Variants in TAFA2 observed in about 807,000 individuals in gnomAD.
TAFA2 encodes the protein TAFA chemokine like family member 2.
TAFA2 carries 7 observed loss-of-function variants against 18.8 expected under a neutral mutation model. The ratio of observed to expected loss-of-function variants is 0.37; its 90% confidence interval spans 0.21 to 0.70. The LOEUF (loss-of-function observed/expected upper bound fraction) is 0.70, where lower values mean the gene tolerates loss of function less well. Among genes scored for constraint, TAFA2 ranks in the 30% least tolerant of loss-of-function variants. TAFA2 has a pLI of 0.53. For missense variants in TAFA2, 122 were observed against 158.1 expected, an observed-to-expected ratio of 0.77 and a Z score of 1.23; for synonymous variants, 60 against 54.2, an observed-to-expected ratio of 1.11 and a Z score of -0.47.
At chr12:62,010,736 G>A (rs1331076522) in intron 1 of TAFA2, among the ~76,000 whole-genome samples, 5 of 145,254 alleles carry the variant, frequency 3.4e-5, no homozygotes, top group Middle Eastern at 3.9e-3. Flanking sequence ...CCGTCTGGGA[G>A]GTGAGGGGCG....
At chr12:61,795,801 TAA>T (rs2120945408) in intron 2 of TAFA2, among the ~76,000 whole-genome samples, 1 of 148,380 alleles carries the variant, frequency 6.7e-6, no homozygotes, top group African/African-American at 2.5e-5. Flanking sequence ...AAAAATAAAA[TAA>T]GATTTTTTAT....
At chr12:62,015,158 G>A (rs1442304490) in intron 1 of TAFA2, among the ~76,000 whole-genome samples, 1 of 152,114 alleles carries the variant, frequency 6.6e-6, no homozygotes, top group Non-Finnish European at 1.5e-5. Context: ...CTTTCTGGTA[G>A]CATTCCATCT....
intron 2 of TAFA2, among the ~76,000 whole-genome samples, chr12:61,785,019 T>A (rs1870668519): frequency 6.6e-6 from 1 of 151,612 alleles, no homozygotes; most frequent in African/African-American, 2.4e-5. Flanking sequence ...TATTGTTAAC[T>A]ATAATCATCC....
intron 1 of TAFA2, among the ~76,000 whole-genome samples, chr12:62,160,764 C>T (rs1429054778): frequency 1.3e-5 from 2 of 152,254 alleles, no homozygotes; most frequent in African/African-American, 4.8e-5. Flanking sequence ...ACGTTCTATA[C>T]CCATTAGGTA....
chr12:62,205,474 C>T (rs2062687992), intron 1 of TAFA2, among the ~76,000 whole-genome samples: 1 of 152,250 alleles, frequency 6.6e-6, no homozygotes, highest in Non-Finnish European at 1.5e-5. Context: ...CACTCCTCCC[C>T]TCAGCAGTTC....
chr12:62,007,057 G>A (rs143029869), intron 1 of TAFA2, among the ~76,000 whole-genome samples: 2 of 152,222 alleles, frequency 1.3e-5, no homozygotes, highest in Non-Finnish European at 2.9e-5. Flanking sequence ...ATGAAGATGC[G>A]TCCTGTGTGA....
intron 1 of TAFA2, among the ~76,000 whole-genome samples, chr12:62,157,928 A>G (rs2062382753): frequency 6.6e-6 from 1 of 152,206 alleles, no homozygotes; most frequent in Admixed American, 6.5e-5. Context: ...AAATACATAG[A>G]ACTGGGTTCA....
chr12:61,965,480 A>C (rs2136658676), intron 1 of TAFA2, among the ~76,000 whole-genome samples: 1 of 152,068 alleles, frequency 6.6e-6, no homozygotes, highest in Middle Eastern at 3.4e-3. Flanking sequence ...TATCATACTT[A>C]AGAATCTGTG....
chr12:62,061,272 T>C (rs1321143377), intron 1 of TAFA2, among the ~76,000 whole-genome samples: 1 of 152,208 alleles, frequency 6.6e-6, no homozygotes, highest in Non-Finnish European at 1.5e-5. Flanking sequence ...GTTTTGTCTT[T>C]TCTACAGTAT....
intron 1 of TAFA2, among the ~76,000 whole-genome samples, chr12:62,065,984 C>T (rs933710212): frequency 1.4e-4 from 22 of 151,960 alleles, no homozygotes; most frequent in Admixed American, 2.6e-4. Flanking sequence ...TGTAGATAAA[C>T]CCTGTCATTT....
chr12:62,079,330 G>A (rs1338075856), intron 1 of TAFA2, among the ~76,000 whole-genome samples: 1 of 151,816 alleles, frequency 6.6e-6, no homozygotes, highest in Admixed American at 6.6e-5. Context: ...TAGGCCTCTG[G>A]GACTGTAGAC....
At chr12:61,965,821 C>T (rs1412673540) in intron 1 of TAFA2, among the ~76,000 whole-genome samples, 1 of 151,890 alleles carries the variant, frequency 6.6e-6, no homozygotes. Context: ...CTGAGAATGG[C>T]ATGGCATTGT....
At chr12:62,126,857 C>T (rs1316201391) in intron 1 of TAFA2, among the ~76,000 whole-genome samples, 1 of 151,976 alleles carries the variant, frequency 6.6e-6, no homozygotes, top group East Asian at 1.9e-4. Context: ...AAAGTTATGC[C>T]AGTTTTTGAA....
intron 1 of TAFA2, chr12:62,104,818 G>C: frequency 1.9e-5 from 7 of 376,982 alleles, no homozygotes; most frequent in South Asian, 1.3e-4. Context: ...ATCTCTTTAT[G>C]ACAAGGTGAT....
upstream of TAFA2, among the ~76,000 whole-genome samples, chr12:62,197,295 G>T (rs1454912130): frequency 6.6e-6 from 1 of 152,188 alleles, no homozygotes; most frequent in African/African-American, 2.4e-5. Flanking sequence ...TGTTTAAATT[G>T]CCATCCTCCT....
intron 1 of TAFA2, among the ~76,000 whole-genome samples, chr12:62,039,206 C>T (rs1356077558): frequency 6.6e-6 from 1 of 152,124 alleles, no homozygotes; most frequent in Non-Finnish European, 1.5e-5. Flanking sequence ...TATCCAAATT[C>T]CATAAATATA....
intron 1 of TAFA2, among the ~76,000 whole-genome samples, chr12:61,929,308 GA>G (rs989702023): frequency 1.3e-5 from 2 of 151,976 alleles, no homozygotes; most frequent in South Asian, 4.2e-4. Flanking sequence ...CAATACCCAA[GA>G]AAAAAACAAA....
At chr12:62,220,766 T>A (rs2062757035) in intron 1 of TAFA2, among the ~76,000 whole-genome samples, 2 of 151,776 alleles carry the variant, frequency 1.3e-5, no homozygotes, top group South Asian at 4.2e-4. Context: ...AAAAAAATAG[T>A]CTATTTAGAG....
intron 1 of TAFA2, among the ~76,000 whole-genome samples, chr12:62,123,089 T>C (rs182003024): frequency 1.1e-4 from 16 of 152,312 alleles, no homozygotes; most frequent in Admixed American, 8.5e-4. Context: ...GAACTACTGC[T>C]TAGCATTTAG....
Sources: gnomAD v4.1 joint callset for allele counts (sites outside exome capture counted in the v4.1 genomes callset) on GRCh38, gnomAD v4.1.1 for gene constraint, MANE v1.5 for transcripts, NCBI Gene and HGNC (gene_info 2026-07-23, HGNC 2026-07-21) for gene names.